The following ARHGEF2 variants were observed in gnomAD, a reference collection of about 807,000 sequenced individuals.
ARHGEF2 encodes the protein Rho/Rac guanine nucleotide exchange factor 2.
Under a neutral mutation model 121.0 loss-of-function variants are expected in ARHGEF2, and 22 were observed. The ratio of observed to expected loss-of-function variants is 0.18; its 90% CI spans 0.13 to 0.26. The LOEUF is 0.26. Among genes scored for constraint, ARHGEF2 ranks in the 10% least tolerant of loss-of-function variants. The probability of loss-of-function intolerance (pLI) is 1.00; values close to 1 mark genes in which losing one functional copy is unlikely to be tolerated. For synonymous variants in ARHGEF2, 487 were observed against 530.0 expected (o/e 0.92, Z 1.11); for missense variants, 907 against 1,336.0 (o/e 0.68, Z 5.01).
intron 1 of ARHGEF2, among the ~76,000 whole-genome samples, chr1:155,977,612 G>A (rs1681529207): frequency 6.6e-6 from 1 of 152,150 alleles, no homozygotes; most frequent in African/African-American, 2.4e-5. Flanking sequence ...GAGGCTGGCG[G>A]GGCAGATAGG....
Position 155,978,535 on chromosome 1 carries a change from G to T in ARHGEF2, c.-108C>A. 1 of 1,281,168 alleles carries T rather than the reference G, an allele frequency of 7.8e-7. No individual in the cohort carries two copies. Among genetic ancestry groups the T allele is most frequent in the South Asian group, 2.4e-5 (1 of 41,360 alleles). The allele number at this position is 1,281,168 out of a possible 1,614,324, so 79.4% of individuals were successfully genotyped here. The stretch of plus-strand genomic sequence containing the variant: ...CCCGCACGCGTTGGTCTCGGGGACA[G>T]GAAGTCTGACTCCCCTCGCCCGGCA... On this transcript the variant is annotated 5_prime_UTR_variant, in exon 1 of 22. The change creates a new upstream start codon in the 5' untranslated region. Transcript: ENST00000361247. This position sits in a 1 kb window ranked among gnomAD's most constrained non-coding sequence, Gnocchi z 4.1.
Position 155,978,335 on chromosome 1 carries a change from C to T in ARHGEF2, c.63+30G>A, listed in dbSNP as rs1388549990. On this transcript the variant is annotated intron_variant, in intron 1 of 21. Transcript: ENST00000361247. This position sits in a 1 kb window ranked among gnomAD's most constrained non-coding sequence, Gnocchi z 4.1. ...GGGTTCGGGGAGCACCCGAGGACCG[C>T]GGCGAAAGGAGAGGGGTTTCCGAGC... is the stretch of plus-strand genomic sequence containing the variant. The T allele has an allele frequency of 2.7e-6, 4 of 1,491,436 alleles. No homozygotes were observed. Among genetic ancestry groups the T allele is most frequent in the Non-Finnish European group, 3.6e-6 (4 of 1,106,458 alleles). The allele number at this position is 1,491,436 out of a possible 1,614,324, so 92.4% of individuals were successfully genotyped here. A position where few individuals can be genotyped will look rare whatever the true frequency, so the allele number is the denominator to read the frequency against.
chr1:155,951,039 T>C lies in ARHGEF2; in HGVS notation c.2493A>G (p.Glu831=). The C allele has an allele frequency of 1.2e-6, 2 of 1,602,944 alleles. No homozygotes were observed. The highest frequency in any genetic ancestry group is 2.2e-5 in the East Asian group (1 of 44,446). The part of the protein sequence containing the change: ...CRRLGEERAT[E]AGSLEARLRE... ...GGAGCCGGGCCTCCAGGCTGCCAGC[T>C]TCGGTTGCCCGTTCTTCACCTAGCC... Residue 831 remains glutamate, a synonymous_variant, in exon 20 of 22, where the codon GAA becomes GAG. Transcript: ENST00000361247. This position sits in a 1 kb window ranked among gnomAD's most constrained non-coding sequence, Gnocchi z 5.1.
chr1:155,965,386 C>A lies in ARHGEF2; in HGVS notation c.497G>T (p.Gly166Val). The A allele has an allele frequency of 6.2e-7, 1 of 1,614,120 alleles. No individual in the cohort carries two copies. The highest frequency in any genetic ancestry group is 8.5e-7 in the Non-Finnish European group (1 of 1,180,008). The change falls in exon 6 of 22, where the codon GGG becomes GTG. Residue 166 changes from glycine (G) to valine (V), a missense_variant. Physicochemically the swap from Gly to Val is moderately radical, Grantham distance 109. Coordinates refer to ENST00000361247, the MANE Select transcript of ARHGEF2 (RefSeq NM_001162383.2). This position sits in a 1 kb window ranked among gnomAD's most constrained non-coding sequence, Gnocchi z 6.0. The stretch of plus-strand genomic sequence containing the variant: ...GGACTGTGAGAGGATCCGGCGCAGC[C>A]CCAGGGGAGACTCATCATTGAAATG... ...AGHFNDESPL[G>V]LRRILSQSTD...
At chr1:155,969,114 G>A in intron 2 of ARHGEF2, 42 bp downstream of exon 2, 1 of 1,609,980 alleles carries the variant, frequency 6.2e-7, no homozygotes, top group Middle Eastern at 1.7e-4. Context: ...CAGGGTCAGT[G>A]GGCACCGAGT....
Position 155,950,569 on chromosome 1 carries a change from TC to T in ARHGEF2, c.2704-88del, listed in dbSNP as rs34752232. ...TCTGCTTGGCTGAAGGCAGCAGCTC[TC>T]CCCCCTGGGGCTCACCCATGAGTCC... On this transcript the variant is annotated intron_variant, in intron 20 of 21. Coordinates refer to ENST00000361247, the MANE Select transcript of ARHGEF2 (RefSeq NM_001162383.2). This position sits in a 1 kb window ranked among gnomAD's most constrained non-coding sequence, Gnocchi z 5.2. 9 of 1,414,856 alleles carry T rather than the reference TC, an allele frequency of 6.4e-6. No individual in the cohort carries two copies. Among genetic ancestry groups the T allele is most frequent in the Admixed American group, 1.7e-5 (1 of 57,518 alleles). 87.6% of individuals were successfully genotyped at this position (1,414,856 alleles called of 1,614,324 possible). A position where few individuals can be genotyped will look rare whatever the true frequency, so the allele number is the denominator to read the frequency against.
At chr1:155,948,076 C>T in intron 21 of ARHGEF2, 61 bp from the exon 22 acceptor site, 3 of 1,394,542 alleles carry the variant, frequency 2.2e-6, no homozygotes, top group Non-Finnish European at 3.0e-6. Context: ...AACTGTACCC[C>T]TAGACTAATG....
Position 155,978,074 on chromosome 1 carries a change from A to C in ARHGEF2, c.63+291T>G. The C allele has an allele frequency of 3.4e-6, 4 of 1,160,714 alleles. No homozygotes were observed. Among genetic ancestry groups the C allele is most frequent in the Non-Finnish European group, 4.3e-6 (4 of 940,968 alleles). The allele number at this position is 1,160,714 out of a possible 1,614,324, so 71.9% of individuals were successfully genotyped here. ...TCCCGCTCCGTCCCTTACCGGAGCA[A>C]CTTTCTTTCAAGCGGCCTAAAGCAC... On this transcript the variant is annotated intron_variant, in intron 1 of 21. Coordinates refer to ENST00000361247, the MANE Select transcript of ARHGEF2 (RefSeq NM_001162383.2). This position sits in a 1 kb window ranked among gnomAD's most constrained non-coding sequence, Gnocchi z 4.1.
In ARHGEF2 at chr1:155,951,357, T is replaced by G. The variant is rs1163371772; in HGVS notation, c.2260-85A>C. ...CCTTCACCCTCCAAGGCCCAGATCA[T>G]CGCTCCTGGAGAGCTTGGATTGGGA... is the stretch of plus-strand genomic sequence containing the variant. On this transcript the variant is annotated intron_variant, in intron 19 of 21. Transcript: ENST00000361247. This position sits in a 1 kb window ranked among gnomAD's most constrained non-coding sequence, Gnocchi z 5.1. 6.4e-7 allele frequency: 1 copy of G among 1,567,622 alleles called. No individual in the cohort carries two copies. Among genetic ancestry groups the G allele is most frequent in the Admixed American group, 1.7e-5 (1 of 57,236 alleles).
chr1:155,947,659 C>G lies in ARHGEF2; in HGVS notation c.*283G>C. 2 of 424,892 alleles carry G rather than the reference C, an allele frequency of 4.7e-6. No individual in the cohort carries two copies. Among genetic ancestry groups the G allele is most frequent in the East Asian group, 9.1e-5 (2 of 21,934 alleles). 26.3% of individuals were successfully genotyped at this position (424,892 alleles called of 1,614,324 possible). ...GGTCCTTTAAATCTCCCCTCTCCCC[C>G]CATAACTAATAAACAATAAATAAAT... On this transcript the variant is annotated 3_prime_UTR_variant, in exon 22 of 22. Coordinates refer to ENST00000361247, the MANE Select transcript of ARHGEF2 (RefSeq NM_001162383.2).
chr1:155,972,696 ACTTTTTTTTTT>A (rs1322395707), intron 1 of ARHGEF2, among the ~76,000 whole-genome samples: 1 of 148,500 alleles, frequency 6.7e-6, no homozygotes. Flanking sequence ...GCATCTAGAT[ACTTTTTTTTTT>A]CTTTTTTTTT....
upstream of ARHGEF2, chr1:155,978,932 C>G (rs1240733022): frequency 2.0e-6 from 2 of 985,770 alleles, no homozygotes; most frequent in Non-Finnish European, 2.4e-6. This position sits in a 1 kb window ranked among gnomAD's most constrained non-coding sequence, Gnocchi z 4.1. Context: ...TAAAGACCCG[C>G]AGGCAGGAGA....
Position 155,954,929 on chromosome 1 carries a change from CCT to C in ARHGEF2, c.1754_1755del (p.Glu585GlyfsTer2). The C allele has an allele frequency of 1.2e-6, 2 of 1,611,934 alleles. No homozygotes were observed. The highest frequency in any genetic ancestry group is 8.5e-7 in the Non-Finnish European group (1 of 1,179,106). On this transcript the variant is annotated frameshift_variant, in exon 14 of 22. Transcript: ENST00000361247. LOFTEE classifies it high-confidence loss of function. ...SREDFPLIETEDEAYLRRIKM... is the reference protein window; with the variant it reads ...SREDFPLIETXDEAYLRRIKM... Reference sequence around the variant, plus strand: ...TTAATTCGCCGCAGGTAAGCCTCATCCTCTGTCTCAATCAGGGGGAAGTCCTC... The same window carrying C: ...TTAATTCGCCGCAGGTAAGCCTCATCCTGTCTCAATCAGGGGGAAGTCCTC...
Position 155,965,305 on chromosome 1 carries a change from T to G in ARHGEF2, c.578A>C (p.Glu193Ala). The G allele has an allele frequency of 6.2e-7, 1 of 1,614,044 alleles. No homozygotes were observed. Among genetic ancestry groups the G allele is most frequent in the South Asian group, 1.1e-5 (1 of 91,082 alleles). The change falls in exon 6 of 22, where the codon GAA becomes GCA. Residue 193 changes from glutamate to alanine, a missense_variant and splice_region_variant. Physicochemically the swap from Glu to Ala is moderately radical, Grantham distance 107 (BLOSUM62 -1). This residue lies in a region of ARHGEF2 where 475 missense variants were observed against 776.5 expected (regional missense o/e 0.61). Transcript: ENST00000361247. The surrounding 1 kb of genome is among the most constrained non-coding windows in gnomAD (Gnocchi z 6.0). The stretch of plus-strand genomic sequence containing the variant: ...CCCCTGGGCCCAGGCCTGCTCACCT[T>G]CGTCAATGAGGGATTCCACGGATAG... ...RTLSVESLID[E>A]AEVIYSELMS...
Position 155,961,786 on chromosome 1 carries a change from C to A in ARHGEF2, c.1343G>T (p.Arg448Leu), listed in dbSNP as rs1375114361. ...TGGGGTTTGGGCCCGAGGGTCCATG[C>A]GGTTGTAGATCTCCTGCAGACGGGC... is the stretch of plus-strand genomic sequence containing the variant. ...KGARLQEIYN[R>L]MDPRAQTPVP... The change falls in exon 11 of 22, where the codon CGC (arginine) becomes CTC (leucine). Residue 448 changes from arginine to leucine, a missense_variant. Arg to Leu is a moderately radical substitution (Grantham distance 102). Transcript: ENST00000361247. This position sits in a 1 kb window ranked among gnomAD's most constrained non-coding sequence, Gnocchi z 4.7. 5 of 1,614,066 alleles carry A rather than the reference C, an allele frequency of 3.1e-6. No homozygotes were observed. Among genetic ancestry groups the A allele is most frequent in the Non-Finnish European group, 4.2e-6 (5 of 1,180,032 alleles).
chr1:155,962,564 G>T lies in ARHGEF2; in HGVS notation c.1101+29C>A. The T allele has an allele frequency of 1.9e-6, 3 of 1,611,148 alleles. No individual in the cohort carries two copies. Among genetic ancestry groups the T allele is most frequent in the South Asian group, 2.2e-5 (2 of 90,842 alleles). On this transcript the variant is annotated intron_variant, in intron 9 of 21. Transcript: ENST00000361247. This position sits in a 1 kb window ranked among gnomAD's most constrained non-coding sequence, Gnocchi z 5.8. ...GTTGGGGAGGGTGGGTTTGGGCCATGAGCATGGGATCTGGAGAGGTCCGCT... is the reference window on the plus strand; with the variant it reads ...GTTGGGGAGGGTGGGTTTGGGCCATTAGCATGGGATCTGGAGAGGTCCGCT...
At position 155,947,480 on chromosome 1, in the gene ARHGEF2, G is replaced by A. The variant is rs1674589455; in HGVS notation, c.*462C>T. On this transcript the variant is annotated 3_prime_UTR_variant, in exon 22 of 22. Coordinates refer to ENST00000361247, the MANE Select transcript of ARHGEF2 (RefSeq NM_001162383.2). ...CCCTCCTTTATTTAAAGGGCAGTAG[G>A]GTGCTGTGGCTGCAGCCTCTCCTCC... is the stretch of plus-strand genomic sequence containing the variant. 2 of 450,602 alleles carry A rather than the reference G, an allele frequency of 4.4e-6. No homozygotes were observed. Among genetic ancestry groups the A allele is most frequent in the Admixed American group, 2.4e-5 (1 of 41,276 alleles). 27.9% of individuals were successfully genotyped at this position (450,602 alleles called of 1,614,324 possible). A position where few individuals can be genotyped will look rare whatever the true frequency, so the allele number is the denominator to read the frequency against.
chr1:155,974,294 C>G (rs1269851807), intron 1 of ARHGEF2, among the ~76,000 whole-genome samples: 1 of 152,192 alleles, frequency 6.6e-6, no homozygotes, highest in African/African-American at 2.4e-5. Context: ...GCAGCAGCCC[C>G]TTCCCCAAGA....
chr1:155,958,221 C>T, intron 12 of ARHGEF2, 99 bp downstream of exon 12: 1 of 919,760 alleles, frequency 1.1e-6, no homozygotes, highest in Non-Finnish European at 1.7e-6. Flanking sequence ...AGCTGTTTGA[C>T]TCTGGGGGAC....
Sources: gnomAD v4.1 joint callset for allele counts (sites outside exome capture counted in the v4.1 genomes callset) on GRCh38, gnomAD v4.1.1 for gene constraint, gnomAD v4.1.1 regional missense constraint, Gnocchi (gnomAD v3.1) non-coding constraint, MANE v1.5 for transcripts, NCBI Gene and HGNC (gene_info 2026-07-23, HGNC 2026-07-21) for gene names.